The following EIF4E variants were observed in gnomAD, a reference collection of about 807,000 sequenced individuals.
EIF4E encodes eukaryotic translation initiation factor 4E.
For synonymous variants in EIF4E, 71 were observed against 88.5 expected, an observed-to-expected ratio of 0.80 and a Z score of 1.11; for missense variants, 113 against 265.6, an observed-to-expected ratio of 0.43 and a Z score of 3.99.
chr4:98,891,201 A>G (rs779495891), intron 3 of EIF4E, 36 bp downstream of exon 3: 3 of 1,605,602 alleles, frequency 1.9e-6, no homozygotes, highest in African/African-American at 1.3e-5. Flanking sequence ...CACAACGAAT[A>G]AAACAACAAA....
In EIF4E at chr4:98,890,348, T is replaced by C. The variant is rs147149916; in HGVS notation, c.221+889A>G. Among the ~76,000 whole-genome samples the C allele has an allele frequency of 2.3e-3, 354 of 152,346 alleles. 1 individual carries two copies. The highest frequency in any genetic ancestry group is 7.9e-3 in the African/African-American group (330 of 41,582). On this transcript the variant is annotated intron_variant, in intron 3 of 6. Transcript: ENST00000450253. ...CAAGTTAGAATATTTAGATAACTGCTAGGTAATTTAAAGTGCTTATTAAAG... is the reference window on the plus strand; with the variant it reads ...CAAGTTAGAATATTTAGATAACTGCCAGGTAATTTAAAGTGCTTATTAAAG...
intron 1 of EIF4E, among the ~76,000 whole-genome samples, chr4:98,919,202 G>A (rs1725537299): frequency 6.6e-6 from 1 of 151,964 alleles, no homozygotes; most frequent in Admixed American, 6.6e-5. Context: ...AGCTACTCAG[G>A]AGGCTGAGGC....
chr4:98,926,801 G>A (rs6532774), intron 1 of EIF4E, among the ~76,000 whole-genome samples: 19,310 of 152,104 alleles, frequency 0.13, 1,368 homozygotes, highest in East Asian at 0.19. Context: ...GTATCCTAAA[G>A]AACACTTGGT....
chr4:98,927,159 T>A (rs1171931702), intron 1 of EIF4E, among the ~76,000 whole-genome samples: 3 of 152,136 alleles, frequency 2.0e-5, no homozygotes, highest in Non-Finnish European at 4.4e-5. Flanking sequence ...TGTCCTAAAG[T>A]CAGTTAACTG....
intron 2 of EIF4E, among the ~76,000 whole-genome samples, chr4:98,898,335 G>T (rs1328788651): frequency 6.6e-6 from 1 of 152,142 alleles, no homozygotes; most frequent in Non-Finnish European, 1.5e-5. Context: ...GCGGCCAGGT[G>T]CGGTGGCTCA....
chr4:98,888,898 C>G, intron 3 of EIF4E, among the ~76,000 whole-genome samples: 1 of 152,114 alleles, frequency 6.6e-6, no homozygotes, highest in East Asian at 1.9e-4. Flanking sequence ...CAGTGGCTCA[C>G]GCCTGTAATC....
intron 1 of EIF4E, among the ~76,000 whole-genome samples, chr4:98,921,335 G>A (rs1197157284): frequency 6.6e-6 from 1 of 152,092 alleles, no homozygotes; most frequent in African/African-American, 2.4e-5. Context: ...ATACTAATAT[G>A]TTGACATATA....
intron 2 of EIF4E, among the ~76,000 whole-genome samples, chr4:98,898,906 A>G (rs1724530146): frequency 6.6e-6 from 1 of 152,094 alleles, no homozygotes; most frequent in African/African-American, 2.4e-5. Flanking sequence ...ATAAAATATC[A>G]TACATCCACG....
chr4:98,883,798 T>C (rs1723801517), intron 6 of EIF4E, among the ~76,000 whole-genome samples: 1 of 151,984 alleles, frequency 6.6e-6, no homozygotes, highest in Non-Finnish European at 1.5e-5. Context: ...TCTCAGCACT[T>C]TGAAAGGCTG....
At chr4:98,915,845 A>G (rs1013108174) in intron 1 of EIF4E, among the ~76,000 whole-genome samples, 1 of 151,544 alleles carries the variant, frequency 6.6e-6, no homozygotes, top group Admixed American at 6.6e-5. Flanking sequence ...CCTGGCCGTT[A>G]TCTTTAATAA....
Position 98,887,689 on chromosome 4 carries a change from G to A in EIF4E, c.285+200C>T, listed in dbSNP as rs1202870077. Among the ~76,000 whole-genome samples, 1 of 152,094 alleles carries A rather than the reference G, an allele frequency of 6.6e-6. No homozygotes were observed. The highest frequency in any genetic ancestry group is 1.5e-5 in the Non-Finnish European group (1 of 68,016). ...CTCTCATCAAAATCAATCTCAGTAT[G>A]TGCCCACAGAGTAACTCTCTCTCAA... is the stretch of plus-strand genomic sequence containing the variant. On this transcript the variant is annotated intron_variant, in intron 4 of 6. Coordinates refer to ENST00000450253, the MANE Select transcript of EIF4E (RefSeq NM_001968.5). The surrounding 1 kb of genome is among the most constrained non-coding windows in gnomAD (Gnocchi z 4.0).
chr4:98,899,246 A>C (rs1281884102), intron 2 of EIF4E, among the ~76,000 whole-genome samples: 1 of 152,188 alleles, frequency 6.6e-6, no homozygotes, highest in East Asian at 1.9e-4. Context: ...GGGAAAAAAA[A>C]GATAATCCAA....
chr4:98,917,119 CACACACACACACACAAAA>C (rs1443001386), intron 1 of EIF4E, among the ~76,000 whole-genome samples: 2,886 of 59,958 alleles, frequency 0.048, 103 homozygotes, highest in African/African-American at 0.21. Flanking sequence ...CACACACACA[CACACACACACACACAAAA>C]AAAACCCAAA....
In EIF4E at chr4:98,879,994, G is replaced by A. The variant is rs1180459137; in HGVS notation, c.*1034C>T. ...CAAAAGAAGACATAATATAGAGACT[G>A]CCTTGCAATAAGAAGTACAAATTCC... On this transcript the variant is annotated 3_prime_UTR_variant, in exon 7 of 7. Transcript: ENST00000450253. The A allele has an allele frequency of 1.3e-5, 2 of 152,480 alleles. No homozygotes were observed. Among genetic ancestry groups the A allele is most frequent in the Non-Finnish European group, 2.9e-5 (2 of 67,990 alleles). 9.4% of individuals were successfully genotyped at this position (152,480 alleles called of 1,614,324 possible). A position where few individuals can be genotyped will look rare whatever the true frequency, so the allele number is the denominator to read the frequency against.
At chr4:98,913,900 C>A (rs1197136113) in intron 1 of EIF4E, among the ~76,000 whole-genome samples, 1 of 151,966 alleles carries the variant, frequency 6.6e-6, no homozygotes, top group Non-Finnish European at 1.5e-5. Flanking sequence ...AGTAATTAGA[C>A]TTCTAAGAGA....
chr4:98,899,209 T>C (rs11736580), intron 2 of EIF4E, among the ~76,000 whole-genome samples: 28,953 of 151,970 alleles, frequency 0.19, 3,666 homozygotes, highest in Non-Finnish European at 0.28. Context: ...TGAAAAGATA[T>C]TCCATAACTT....
At chr4:98,896,906 C>T (rs1187109565) in intron 2 of EIF4E, among the ~76,000 whole-genome samples, 2 of 151,818 alleles carry the variant, frequency 1.3e-5, no homozygotes, top group Admixed American at 6.6e-5. Context: ...TGCAGTGAGC[C>T]GAGATTACAC....
intron 1 of EIF4E, among the ~76,000 whole-genome samples, chr4:98,920,694 AAAG>A (rs1725609257): frequency 6.6e-6 from 1 of 152,216 alleles, no homozygotes; most frequent in African/African-American, 2.4e-5. Flanking sequence ...AACAAAAAAT[AAAG>A]AAAAGCTAAA....
chr4:98,918,033 A>G (rs1725461356), intron 1 of EIF4E, among the ~76,000 whole-genome samples: 1 of 149,536 alleles, frequency 6.7e-6, no homozygotes, highest in Non-Finnish European at 1.5e-5. Context: ...CAGAGACTGC[A>G]CTCCAGTCTG....
Sources: gnomAD v4.1 joint callset for allele counts (sites outside exome capture counted in the v4.1 genomes callset) on GRCh38, gnomAD v4.1.1 for gene constraint, Gnocchi (gnomAD v3.1) non-coding constraint, MANE v1.5 for transcripts, NCBI Gene and HGNC (gene_info 2026-07-23, HGNC 2026-07-21) for gene names.